The following PDE1C variants were observed in gnomAD, a reference collection of about 807,000 sequenced individuals.
PDE1C encodes the protein dual specificity calcium/calmodulin-dependent 3',5'-cyclic nucleotide phosphodiesterase 1C.
PDE1C carries 62 observed loss-of-function variants against 93.1 expected under a neutral mutation model. That is an observed-to-expected ratio of 0.67 (90% CI 0.54 to 0.82). The LOEUF is 0.82. Among genes scored for constraint, PDE1C ranks in the 40% least tolerant of loss-of-function variants. The pLI, the probability that PDE1C is intolerant of heterozygous loss-of-function variation, is 0.00. For missense variants in PDE1C, 742 were observed against 884.6 expected (o/e 0.84, Z 2.04); for synonymous variants, 325 against 310.1 (o/e 1.05, Z -0.50).
chr7:32,144,953 G>A (rs966250699), intron 3 of PDE1C, among the ~76,000 whole-genome samples: 5 of 152,170 alleles, frequency 3.3e-5, no homozygotes, highest in African/African-American at 9.7e-5. Context: ...GAACCTTGCT[G>A]TAATTGGTTT....
At chr7:31,836,658 A>G (rs1403053770) in intron 11 of PDE1C, among the ~76,000 whole-genome samples, 2 of 152,118 alleles carry the variant, frequency 1.3e-5, no homozygotes, top group African/African-American at 4.8e-5. Context: ...TATAGACAAC[A>G]CAACTCTGGA....
intron 2 of PDE1C, among the ~76,000 whole-genome samples, chr7:31,984,264 C>A (rs1783082581): frequency 1.3e-5 from 2 of 152,160 alleles, no homozygotes; most frequent in South Asian, 2.1e-4. Context: ...GTAGCACGAA[C>A]CCTACTGTGA....
intron 2 of PDE1C, among the ~76,000 whole-genome samples, chr7:31,977,022 A>AAGCTGTGT (rs1173597401): frequency 6.6e-6 from 1 of 152,214 alleles, no homozygotes; most frequent in East Asian, 1.9e-4. Flanking sequence ...AAGGCTCAAC[A>AAGCTGTGT]AGCTGTGTTT....
At chr7:31,824,545 T>C (rs1194834675) in intron 13 of PDE1C, among the ~76,000 whole-genome samples, 1 of 152,112 alleles carries the variant, frequency 6.6e-6, no homozygotes, top group Non-Finnish European at 1.5e-5. Context: ...TGATGAGTGG[T>C]ACTGTCTTTG....
chr7:31,735,602 A>C, the PDE1C span, among the ~76,000 whole-genome samples: 3 of 152,160 alleles, frequency 2.0e-5, no homozygotes, highest in Admixed American at 1.3e-4. Context: ...CAGTTTCCTC[A>C]TCTGTCAAGT....
intron 11 of PDE1C, 92 bp from the exon 12 acceptor site, chr7:31,828,465 G>T: frequency 1.3e-6 from 1 of 772,622 alleles, no homozygotes; most frequent in Non-Finnish European, 2.1e-6. Context: ...GGAGGCCACT[G>T]GTCTTTATTT....
the PDE1C span, chr7:31,642,627 C>A: frequency 6.7e-7 from 1 of 1,501,470 alleles, no homozygotes; most frequent in South Asian, 1.2e-5. Context: ...CACCTTAAAC[C>A]TATTGCCTCC....
intron 2 of PDE1C, among the ~76,000 whole-genome samples, chr7:31,972,757 G>C (rs1328889767): frequency 2.0e-5 from 3 of 152,122 alleles, no homozygotes; most frequent in Non-Finnish European, 4.4e-5. Context: ...CACCCATCCG[G>C]AGGCAGAAGA....
At chr7:32,107,210 T>C (rs1298326471) in intron 3 of PDE1C, among the ~76,000 whole-genome samples, 8 of 146,382 alleles carry the variant, frequency 5.5e-5, no homozygotes, top group Admixed American at 4.8e-4. Context: ...AGGTATAATA[T>C]ATGTGTAGCA....
At chr7:32,350,026 G>A (rs1391344679) in intron 1 of PDE1C, among the ~76,000 whole-genome samples, 10 of 152,312 alleles carry the variant, frequency 6.6e-5, no homozygotes, top group South Asian at 2.1e-4. Flanking sequence ...TTGTATTCAT[G>A]TGATGCTTAT....
intron 1 of PDE1C, among the ~76,000 whole-genome samples, chr7:32,213,372 C>G (rs1378369952): frequency 1.3e-5 from 2 of 152,166 alleles, no homozygotes; most frequent in Non-Finnish European, 1.5e-5. Context: ...ATTCAGAATG[C>G]AACTCTATGC....
intron 1 of PDE1C, among the ~76,000 whole-genome samples, chr7:32,242,228 C>A (rs1365147461): frequency 6.6e-6 from 1 of 152,010 alleles, no homozygotes. Flanking sequence ...CCCATGAAAA[C>A]AAAATGGGTA....
At chr7:31,666,428 CAATT>C in the PDE1C span, among the ~76,000 whole-genome samples, 5 of 152,056 alleles carry the variant, frequency 3.3e-5, no homozygotes, top group African/African-American at 1.2e-4. Flanking sequence ...AACATTTGTA[CAATT>C]ATTATGTATT....
intron 16 of PDE1C, among the ~76,000 whole-genome samples, chr7:31,806,191 C>G (rs1786799340): frequency 6.6e-6 from 1 of 151,896 alleles, no homozygotes; most frequent in East Asian, 1.9e-4. Flanking sequence ...AGGGCCTAAT[C>G]ATAATCTGTT....
intron 17 of PDE1C, among the ~76,000 whole-genome samples, chr7:31,760,376 A>G (rs6945688): frequency 0.47 from 71,203 of 152,042 alleles, 17,086 homozygotes; most frequent in African/African-American, 0.5. Context: ...TTTCCACTAA[A>G]TGAGAGCAAT....
intron 2 of PDE1C, among the ~76,000 whole-genome samples, chr7:31,934,240 C>T (rs1397018490): frequency 1.3e-5 from 2 of 152,052 alleles, no homozygotes; most frequent in South Asian, 2.1e-4. Flanking sequence ...AAAAGAGATG[C>T]TATATTTGAT....
Position 32,122,704 on chromosome 7 carries a change from C to T in PDE1C, c.308+47081G>A, listed in dbSNP as rs1799363592. ...ACAGCATACCAGAATCTCTGGGACA[C>T]AGCTAAAGCAGGGTTAAGAGGGAAA... is the stretch of plus-strand genomic sequence containing the variant. On this transcript the variant is annotated intron_variant, in intron 3 of 18. Coordinates refer to the PDE1C transcript ENST00000396193. Among the ~76,000 whole-genome samples the T allele has an allele frequency of 3.9e-5, 6 of 152,178 alleles. No individual in the cohort carries two copies. The South Asian group carries it at 1.2e-3, about 31-fold the overall frequency.
chr7:31,875,107 T>C (rs918051567), intron 5 of PDE1C, among the ~76,000 whole-genome samples: 2 of 152,196 alleles, frequency 1.3e-5, no homozygotes, highest in South Asian at 4.1e-4. Context: ...AAGCTTTACC[T>C]TGGTTACTAT....
intron 2 of PDE1C, 81 bp downstream of exon 2, chr7:32,051,473 T>C (rs1584609006): frequency 2.3e-6 from 3 of 1,306,188 alleles, no homozygotes; most frequent in African/African-American, 1.5e-5. Flanking sequence ...TTATTACAGT[T>C]CCAGTCCACC....
Sources: allele counts gnomAD v4.1 joint callset (sites outside exome capture counted in the v4.1 genomes callset), GRCh38; gene constraint gnomAD v4.1.1; transcripts MANE v1.5; gene names NCBI Gene and HGNC (gene_info 2026-07-23, HGNC 2026-07-21).